The following CSMD1 variants were observed in gnomAD, a reference collection of about 807,000 sequenced individuals.
The protein encoded by CSMD1 is CUB and Sushi multiple domains 1, also known as CUB and sushi domain-containing protein 1.
A neutral mutation model predicts 417.5 loss-of-function variants in CSMD1; 213 were observed. The ratio of observed to expected loss-of-function variants is 0.51; its 90% CI spans 0.46 to 0.57. The LOEUF is 0.57. Ranked by LOEUF, CSMD1 falls within the 20% of genes least tolerant of loss-of-function variation. The pLI is 0.00. For missense variants in CSMD1, 6,923 were observed against 4,529.7 expected (o/e 1.53, Z -15.17); for synonymous variants, 2,862 against 1,736.8 (o/e 1.65, Z -16.11).
At chr8:4,764,130 G>C (rs934785403) in intron 1 of CSMD1, among the ~76,000 whole-genome samples, 1 of 152,056 alleles carries the variant, frequency 6.6e-6, no homozygotes, top group South Asian at 2.1e-4. Flanking sequence ...ATGAGATTTC[G>C]CATTATTCTT....
intron 54 of CSMD1, among the ~76,000 whole-genome samples, chr8:2,994,145 C>CAAAAAAAAAAAAAAACAAAAAA (rs1806657261): frequency 3.3e-5 from 1 of 30,516 alleles, no homozygotes; most frequent in Non-Finnish European, 4.7e-5. Context: ...AACTCCATCT[C>CAAAAAAAAAAAAAAACAAAAAA]AAAAAAAAAA....
intron 1 of CSMD1, among the ~76,000 whole-genome samples, chr8:4,928,701 A>C (rs1807041784): frequency 6.6e-6 from 1 of 152,192 alleles, no homozygotes; most frequent in Non-Finnish European, 1.5e-5. Context: ...CCTAGAATTC[A>C]TACACTGAAA....
rs555036632 is a variant in CSMD1, at chr8:4,432,952, C to G, written c.303-12887G>C. On this transcript the variant is annotated intron_variant, in intron 2 of 69. Transcript: ENST00000635120. ...TTTCACAGCTGCTCCCCATGGCTCA[C>G]GTTACCAGCTGAGCTCCACCCTCCT... Among the ~76,000 whole-genome samples the G allele has an allele frequency of 3.9e-5, 6 of 152,290 alleles. No homozygotes were observed. The East Asian group carries it at 5.8e-4, about 15-fold the overall frequency.
At chr8:4,232,978 A>G (rs1238623342) in intron 3 of CSMD1, among the ~76,000 whole-genome samples, 1 of 152,224 alleles carries the variant, frequency 6.6e-6, no homozygotes, top group African/African-American at 2.4e-5. Context: ...TAAGAAAAGG[A>G]GGAAACAGGA....
intron 3 of CSMD1, among the ~76,000 whole-genome samples, chr8:4,275,105 T>A (rs1350248367): frequency 6.6e-6 from 1 of 152,182 alleles, no homozygotes; most frequent in Non-Finnish European, 1.5e-5. Flanking sequence ...ATGAAAGCCC[T>A]TGGCCTTATA....
chr8:3,681,795 A>G (rs1192422866), intron 7 of CSMD1, among the ~76,000 whole-genome samples: 3 of 152,210 alleles, frequency 2.0e-5, no homozygotes, highest in East Asian at 1.9e-4. Flanking sequence ...AAACTATACT[A>G]CAAGGCTACA....
In CSMD1 at chr8:3,616,770, G is replaced by C; in HGVS notation, c.1037C>G (p.Ser346Cys). 6.2e-7 allele frequency: 1 copy of C among 1,612,352 alleles called. No individual in the cohort carries two copies. The highest frequency in any genetic ancestry group is 8.5e-7 in the Non-Finnish European group (1 of 1,179,098). Residue 346 changes from serine to cysteine, a missense_variant, in exon 8 of 70, where the codon TCT becomes TGT. By Grantham distance (112) the Ser-to-Cys change is moderately radical. Coordinates refer to ENST00000635120, the MANE Select transcript of CSMD1 (RefSeq NM_033225.6). Reference sequence around the variant, plus strand: ...AATCCCAGGATCTGGACACATGTCAGAGACCAATGCAACACCTCCTTGGCT... The same window carrying C: ...AATCCCAGGATCTGGACACATGTCACAGACCAATGCAACACCTCCTTGGCT... Reference protein sequence around the residue: ...VLSQGGVALVSDMCPDPGIPE... With the variant: ...VLSQGGVALVCDMCPDPGIPE...
intron 10 of CSMD1, among the ~76,000 whole-genome samples, chr8:3,567,346 C>G (rs750367789): frequency 1.3e-5 from 2 of 151,834 alleles, no homozygotes; most frequent in Admixed American, 1.3e-4. Flanking sequence ...GGTGATGAAT[C>G]TGTACAACAA....
chr8:3,386,554 A>T, intron 18 of CSMD1, among the ~76,000 whole-genome samples: 1 of 152,036 alleles, frequency 6.6e-6, no homozygotes, highest in East Asian at 1.9e-4. Context: ...TTTTCCATAA[A>T]CCCTGTTATT....
intron 5 of CSMD1, among the ~76,000 whole-genome samples, chr8:3,868,034 C>T (rs769893562): frequency 2.0e-5 from 3 of 152,144 alleles, no homozygotes; most frequent in Non-Finnish European, 2.9e-5. Flanking sequence ...CCTGATTTGG[C>T]CCTGCACCCT....
intron 22 of CSMD1, among the ~76,000 whole-genome samples, chr8:3,346,547 C>G (rs1479157605): frequency 6.6e-6 from 1 of 152,140 alleles, no homozygotes. Flanking sequence ...AATGAAAGAA[C>G]AACTAGAATA....
intron 1 of CSMD1, among the ~76,000 whole-genome samples, chr8:4,900,606 G>C (rs931044113): frequency 6.6e-6 from 1 of 152,096 alleles, no homozygotes; most frequent in South Asian, 2.1e-4. Context: ...AGCATCTCTG[G>C]TTCCAGATTC....
chr8:4,453,578 C>T (rs953587165), intron 2 of CSMD1, among the ~76,000 whole-genome samples: 4 of 152,146 alleles, frequency 2.6e-5, no homozygotes, highest in African/African-American at 7.2e-5. Context: ...GCTTATATCG[C>T]TTGAACAATT....
At chr8:3,485,931 C>G (rs1004522508) in intron 11 of CSMD1, among the ~76,000 whole-genome samples, 13 of 152,178 alleles carry the variant, frequency 8.5e-5, no homozygotes, top group Middle Eastern at 3.4e-3. Context: ...CACTGGAGAT[C>G]CGGACGAAGT....
intron 11 of CSMD1, among the ~76,000 whole-genome samples, chr8:3,493,283 G>C (rs979086276): frequency 2.2e-5 from 2 of 92,742 alleles, no homozygotes; most frequent in African/African-American, 4.5e-5. Context: ...GATAGAGTAA[G>C]AACCTGTCTC....
Position 4,548,856 on chromosome 8 carries a change from G to A in CSMD1, c.302+88486C>T, listed in dbSNP as rs557728689. ...TTGGTCTTGGGGGGACATGTGATGCGCGCAGGAGGTAAAGTATTTCTCTGT... is the reference window on the plus strand; with the variant it reads ...TTGGTCTTGGGGGGACATGTGATGCACGCAGGAGGTAAAGTATTTCTCTGT... On this transcript the variant is annotated intron_variant, in intron 2 of 69. Transcript: ENST00000635120. Among the ~76,000 whole-genome samples, 3 of 152,138 alleles carry A rather than the reference G, an allele frequency of 2.0e-5. No homozygotes were observed. The East Asian group carries it at 5.8e-4, about 29-fold the overall frequency.
At chr8:4,826,580 C>A (rs1036258490) in intron 1 of CSMD1, among the ~76,000 whole-genome samples, 1 of 152,068 alleles carries the variant, frequency 6.6e-6, no homozygotes, top group Non-Finnish European at 1.5e-5. Context: ...GTTGGGATGT[C>A]CACCTTAAAC....
In CSMD1 at chr8:3,528,642, C is replaced by G. The variant is rs147295436; in HGVS notation, c.1345-34916G>C. On this transcript the variant is annotated intron_variant, in intron 10 of 69. Coordinates refer to ENST00000635120, the MANE Select transcript of CSMD1 (RefSeq NM_033225.6). The stretch of plus-strand genomic sequence containing the variant: ...TTATATTAACTGACTAATTAAATGT[C>G]TTGAAATTCTTCTTGATTTCTGGGA... Among the ~76,000 whole-genome samples the G allele has an allele frequency of 6.8e-4, 104 of 152,266 alleles. 1 individual carries two copies. In the East Asian group the frequency reaches 0.018, roughly 27 times the overall value.
At chr8:3,487,241 TC>T (rs1239309317) in intron 11 of CSMD1, among the ~76,000 whole-genome samples, 3 of 152,158 alleles carry the variant, frequency 2.0e-5, no homozygotes, top group Non-Finnish European at 4.4e-5. Context: ...TAGCTCTGTC[TC>T]CCAGGCTGGA....
Sources: allele counts gnomAD v4.1 joint callset (sites outside exome capture counted in the v4.1 genomes callset), GRCh38; gene constraint gnomAD v4.1.1; transcripts MANE v1.5; gene names NCBI Gene and HGNC (gene_info 2026-07-23, HGNC 2026-07-21).